The following FNDC3B variants were observed in gnomAD, a reference collection of about 807,000 sequenced individuals.
FNDC3B encodes the protein fibronectin type III domain containing 3B.
FNDC3B carries 12 observed loss-of-function variants against 151.5 expected under a neutral mutation model. That is an observed-to-expected ratio of 0.08 (90% CI 0.05 to 0.13). FNDC3B has a LOEUF of 0.13. FNDC3B is among the 10% of genes least tolerant of loss of function. The pLI is 1.00. For missense variants in FNDC3B, 1,214 were observed against 1,505.3 expected (o/e 0.81, Z 3.20); for synonymous variants, 528 against 549.0 (o/e 0.96, Z 0.54).
intron 3 of FNDC3B, among the ~76,000 whole-genome samples, chr3:172,224,696 G>A (rs1726461115): frequency 6.6e-6 from 1 of 151,806 alleles, no homozygotes; most frequent in African/African-American, 2.4e-5. Flanking sequence ...TGGATGGCAG[G>A]ATCTGCCTTT....
intron 3 of FNDC3B, among the ~76,000 whole-genome samples, chr3:172,199,183 T>TA (rs1279767040): frequency 6.8e-5 from 10 of 147,878 alleles, no homozygotes; most frequent in African/African-American, 2.5e-4. Flanking sequence ...TATTTTATTT[T>TA]TTATTTTTTT....
At chr3:172,084,835 T>C (rs1363420576) in intron 1 of FNDC3B, among the ~76,000 whole-genome samples, 1 of 152,258 alleles carries the variant, frequency 6.6e-6, no homozygotes, top group Non-Finnish European at 1.5e-5. Context: ...TTTAAAATAG[T>C]ATGTATCATT....
intron 1 of FNDC3B, among the ~76,000 whole-genome samples, chr3:172,096,416 T>G (rs1312744392): frequency 2.0e-5 from 3 of 152,214 alleles, no homozygotes; most frequent in African/African-American, 7.2e-5. Flanking sequence ...ATTTTGTCAT[T>G]GTAGCCTAAT....
intron 1 of FNDC3B, among the ~76,000 whole-genome samples, chr3:172,088,092 CT>C (rs1372235047): frequency 6.6e-6 from 1 of 152,070 alleles, no homozygotes; most frequent in Admixed American, 6.6e-5. Flanking sequence ...AGCTGACAGC[CT>C]AAAAATGCTT....
intron 10 of FNDC3B, 88 bp downstream of exon 10, chr3:172,307,589 AGG>A: frequency 7.4e-7 from 1 of 1,347,722 alleles, no homozygotes; most frequent in Non-Finnish European, 1.0e-6. Context: ...GCTACCTGGG[AGG>A]CTGAGGAGGG....
chr3:172,191,667 T>G (rs1181832722), intron 3 of FNDC3B, among the ~76,000 whole-genome samples: 1 of 152,080 alleles, frequency 6.6e-6, no homozygotes, highest in Non-Finnish European at 1.5e-5. Context: ...TGGCTAATTT[T>G]TAAATTTTTT....
At chr3:172,157,970 A>G (rs752708922) in intron 3 of FNDC3B, among the ~76,000 whole-genome samples, 2 of 152,106 alleles carry the variant, frequency 1.3e-5, no homozygotes, top group Non-Finnish European at 2.9e-5. Context: ...TATTAATGGG[A>G]TTAGTGCCAT....
chr3:172,273,795 T>A (rs1477520306), intron 6 of FNDC3B, among the ~76,000 whole-genome samples: 1 of 152,184 alleles, frequency 6.6e-6, no homozygotes, highest in Admixed American at 6.5e-5. Flanking sequence ...TTTCTTCAAA[T>A]ACAGAAAAAC....
intron 7 of FNDC3B, among the ~76,000 whole-genome samples, chr3:172,292,375 G>A (rs748592762): frequency 1.1e-4 from 16 of 152,232 alleles, no homozygotes; most frequent in Non-Finnish European, 2.2e-4. Flanking sequence ...TGTACATCCT[G>A]AAGGCTTGCT....
chr3:172,047,010 G>A (rs1221041234), intron 1 of FNDC3B: 2 of 152,118 alleles, frequency 1.3e-5, no homozygotes, highest in Non-Finnish European at 2.9e-5. Flanking sequence ...GCACCTTCAG[G>A]CTGTGTTAGA....
chr3:172,398,305 G>T lies in FNDC3B; in HGVS notation c.*830G>T, dbSNP rs1197977017. ...AACTACTTCTAATCTAATCACTAGAGTTATTATATTCTGTTATGTTTGACC... is the reference window on the plus strand; with the variant it reads ...AACTACTTCTAATCTAATCACTAGATTTATTATATTCTGTTATGTTTGACC... On this transcript the variant is annotated 3_prime_UTR_variant, in exon 26 of 26. Transcript: ENST00000415807. The T allele has an allele frequency of 6.6e-6, 1 of 152,622 alleles. No homozygotes were observed. The highest frequency in any genetic ancestry group is 1.5e-5 in the Non-Finnish European group (1 of 68,026). The allele number at this position is 152,622 out of a possible 1,614,324, so 9.5% of individuals were successfully genotyped here. A position where few individuals can be genotyped will look rare whatever the true frequency, so the allele number is the denominator to read the frequency against.
intron 11 of FNDC3B, among the ~76,000 whole-genome samples, chr3:172,327,639 C>T (rs1367017399): frequency 6.6e-6 from 1 of 152,142 alleles, no homozygotes; most frequent in Non-Finnish European, 1.5e-5. Flanking sequence ...CTCCTGACCT[C>T]GTGATCTGCC....
At chr3:172,108,811 T>G (rs1345229528) in intron 1 of FNDC3B, among the ~76,000 whole-genome samples, 1 of 152,268 alleles carries the variant, frequency 6.6e-6, no homozygotes, top group African/African-American at 2.4e-5. Context: ...TTTTATGTTT[T>G]CATGCTTTTA....
chr3:172,211,269 C>G (rs1210441040), intron 3 of FNDC3B, among the ~76,000 whole-genome samples: 1 of 152,148 alleles, frequency 6.6e-6, no homozygotes, highest in Admixed American at 6.5e-5. Context: ...AAACAGAAAT[C>G]ATGACCTTCT....
At chr3:172,344,292 A>G (rs1733499470) in intron 19 of FNDC3B, 34 bp downstream of exon 19, 2 of 1,565,072 alleles carry the variant, frequency 1.3e-6, no homozygotes, top group Non-Finnish European at 1.7e-6. Flanking sequence ...AACCAGAATC[A>G]GAATGCATAA....
chr3:172,111,095 T>G (rs796615508), intron 1 of FNDC3B, among the ~76,000 whole-genome samples: 7 of 123,210 alleles, frequency 5.7e-5, no homozygotes, highest in African/African-American at 2.0e-4. Flanking sequence ...TGAGACTCCA[T>G]TAAAAAAAAA....
At chr3:172,130,426 T>C (rs920822331) in intron 2 of FNDC3B, among the ~76,000 whole-genome samples, 2 of 151,992 alleles carry the variant, frequency 1.3e-5, no homozygotes. Flanking sequence ...AACTAAACAT[T>C]TGAAGGGAGG....
intron 22 of FNDC3B, 135 bp downstream of exon 22, chr3:172,353,218 C>A (rs1008145442): frequency 2.4e-6 from 2 of 846,086 alleles, no homozygotes; most frequent in African/African-American, 3.4e-5. Flanking sequence ...AGTATTGTCT[C>A]ACCTTGATCC....
At chr3:172,349,894 G>A (rs1733781908) in intron 21 of FNDC3B, among the ~76,000 whole-genome samples, 1 of 152,082 alleles carries the variant, frequency 6.6e-6, no homozygotes, top group East Asian at 1.9e-4. Flanking sequence ...GACCTCAGAT[G>A]ATCCACCCGC....
Sources: allele counts gnomAD v4.1 joint callset (sites outside exome capture counted in the v4.1 genomes callset), GRCh38; gene constraint gnomAD v4.1.1; transcripts MANE v1.5; gene names NCBI Gene and HGNC (gene_info 2026-07-23, HGNC 2026-07-21).